The following SNX29 variants were observed in gnomAD, a reference collection of about 807,000 sequenced individuals.
SNX29 encodes sorting nexin-29.
In SNX29, 78 loss-of-function variants were observed where a neutral mutation model predicts 102.1. The observed-to-expected ratio is 0.76, with a 90% CI of 0.64 to 0.92. SNX29 has a LOEUF of 0.92. SNX29 is among the 40% of genes least tolerant of loss of function. SNX29 has a pLI of 0.00. For missense variants in SNX29, 1,280 were observed against 1,061.7 expected (o/e 1.21, Z -2.86); for synonymous variants, 580 against 414.5 (o/e 1.40, Z -4.85).
rs191410496 is a variant in SNX29 at position 12,299,165 on chromosome 16, T to C, written c.1782+21129T>C. The stretch of plus-strand genomic sequence containing the variant: ...AAATACAAAAATTAGTTGGGTATGG[T>C]GGCACATGCTTGTAATCTCAGCTAC... On this transcript the variant is annotated intron_variant, in intron 15 of 20. Coordinates refer to ENST00000566228, the MANE Select transcript of SNX29 (RefSeq NM_032167.5). Among the ~76,000 whole-genome samples, 12 of 152,176 alleles carry C rather than the reference T, an allele frequency of 7.9e-5. No homozygotes were observed. The East Asian group carries it at 2.3e-3, about 29-fold the overall frequency.
intron 8 of SNX29, among the ~76,000 whole-genome samples, chr16:12,056,411 A>C (rs1228692311): frequency 6.6e-6 from 1 of 152,082 alleles, no homozygotes; most frequent in Non-Finnish European, 1.5e-5. Flanking sequence ...ATCTTGACTG[A>C]CCCTTCCACA....
intron 15 of SNX29, among the ~76,000 whole-genome samples, chr16:12,323,532 A>AG (rs397854823): frequency 6.6e-6 from 1 of 151,024 alleles, no homozygotes; most frequent in African/African-American, 2.5e-5. Context: ...AAAAAAAAAA[A>AG]TGGTGAACAA....
At chr16:12,553,808 G>C (rs139447900) in intron 20 of SNX29, among the ~76,000 whole-genome samples, 1 of 151,832 alleles carries the variant, frequency 6.6e-6, no homozygotes, top group Non-Finnish European at 1.5e-5. Context: ...GGCTAGTCTC[G>C]AACTCCTGAC....
intron 1 of SNX29, among the ~76,000 whole-genome samples, chr16:11,983,917 GAAAA>G (rs1005304103): frequency 6.6e-6 from 1 of 151,652 alleles, no homozygotes; most frequent in African/African-American, 2.4e-5. Flanking sequence ...TCTCAGGAGA[GAAAA>G]AAAACTTACT....
intron 20 of SNX29, among the ~76,000 whole-genome samples, chr16:12,567,003 C>CA (rs1390732062): frequency 1.3e-5 from 2 of 152,218 alleles, no homozygotes; most frequent in African/African-American, 4.8e-5. Flanking sequence ...AGGTGCAACG[C>CA]AAAGTAGATC....
intron 14 of SNX29, among the ~76,000 whole-genome samples, chr16:12,273,160 G>T (rs2079141741): frequency 6.6e-6 from 1 of 151,948 alleles, no homozygotes; most frequent in African/African-American, 2.4e-5. Context: ...GCCGCCTCCC[G>T]CTTGCACCCA....
chr16:12,322,691 GCTGGGGACCACCGTCAGGACTTGGTCA>G (rs1297980656), intron 15 of SNX29, among the ~76,000 whole-genome samples: 23 of 151,778 alleles, frequency 1.5e-4, no homozygotes, highest in African/African-American at 5.3e-4. Flanking sequence ...GGACGCGGTC[GCTGGGGACCACCGTCAGGACTTGGTCA>G]CTGGAGACCA....
At chr16:12,250,089 A>AGGC (rs1466664834) in intron 14 of SNX29, among the ~76,000 whole-genome samples, 3 of 152,194 alleles carry the variant, frequency 2.0e-5, no homozygotes, top group Non-Finnish European at 4.4e-5. Flanking sequence ...TGGTGGGGAC[A>AGGC]GGCAGGGAGA....
chr16:12,417,166 A>G (rs577707287), intron 18 of SNX29, among the ~76,000 whole-genome samples: 2 of 152,306 alleles, frequency 1.3e-5, no homozygotes, highest in East Asian at 1.9e-4. Context: ...TCCATAATCC[A>G]TCCGTATCTT....
At chr16:12,447,618 G>T (rs1415607463) in intron 18 of SNX29, among the ~76,000 whole-genome samples, 1 of 152,228 alleles carries the variant, frequency 6.6e-6, no homozygotes, top group African/African-American at 2.4e-5. Flanking sequence ...CTTGCTGTGA[G>T]ACCCGAATGG....
intron 18 of SNX29, among the ~76,000 whole-genome samples, chr16:12,448,556 C>T (rs2086165809): frequency 6.6e-6 from 1 of 151,988 alleles, no homozygotes; most frequent in African/African-American, 2.4e-5. Flanking sequence ...TATGTACAGC[C>T]CAACATCTGG....
chr16:12,533,916 A>G (rs2076999048), intron 20 of SNX29, among the ~76,000 whole-genome samples: 2 of 152,230 alleles, frequency 1.3e-5, no homozygotes, highest in Non-Finnish European at 2.9e-5. Flanking sequence ...ACATCTTCAT[A>G]TAAAATCTGA....
intron 4 of SNX29, 74 bp from the exon 5 acceptor site, chr16:12,042,823 A>C: frequency 6.8e-7 from 1 of 1,474,096 alleles, no homozygotes; most frequent in Non-Finnish European, 9.2e-7. Context: ...CTTCGCCTAG[A>C]GGCTTTGTGT....
At chr16:12,543,021 G>A (rs2077412848) in intron 20 of SNX29, among the ~76,000 whole-genome samples, 1 of 152,110 alleles carries the variant, frequency 6.6e-6, no homozygotes, top group Non-Finnish European at 1.5e-5. Context: ...TTCAGGAATG[G>A]CTGGATCCAG....
intron 15 of SNX29, among the ~76,000 whole-genome samples, chr16:12,288,960 C>T (rs1364549376): frequency 6.6e-6 from 1 of 152,196 alleles, no homozygotes; most frequent in African/African-American, 2.4e-5. Flanking sequence ...TGACTAGAAA[C>T]AGGAATCAGG....
At chr16:12,326,000 G>C (rs992790378) in intron 15 of SNX29, among the ~76,000 whole-genome samples, 7 of 151,900 alleles carry the variant, frequency 4.6e-5, no homozygotes, top group African/African-American at 1.7e-4. Flanking sequence ...CTGCATTCCA[G>C]CCTGGGCACC....
intron 8 of SNX29, among the ~76,000 whole-genome samples, chr16:12,060,199 A>G (rs2050714322): frequency 6.6e-6 from 1 of 152,356 alleles, no homozygotes; most frequent in East Asian, 1.9e-4. Context: ...AACTATTTAC[A>G]TAGCATTTGG....
intron 20 of SNX29, among the ~76,000 whole-genome samples, chr16:12,539,695 G>C (rs1007898094): frequency 1.3e-5 from 2 of 152,226 alleles, no homozygotes; most frequent in Non-Finnish European, 2.9e-5. Context: ...TGGGCAGCAT[G>C]TCATACTGTC....
chr16:12,437,435 G>T (rs113130187), intron 18 of SNX29, among the ~76,000 whole-genome samples: 1 of 152,246 alleles, frequency 6.6e-6, no homozygotes, highest in Admixed American at 6.5e-5. Flanking sequence ...AGGGGGTAGT[G>T]TGAGAGGAGG....
Sources: gnomAD v4.1 joint callset for allele counts (sites outside exome capture counted in the v4.1 genomes callset) on GRCh38, gnomAD v4.1.1 for gene constraint, MANE v1.5 for transcripts, NCBI Gene and HGNC (gene_info 2026-07-23, HGNC 2026-07-21) for gene names.